Variants in EPHA7 observed in about 807,000 individuals in gnomAD.
The protein encoded by EPHA7 is ephrin type-A receptor 7.
A neutral mutation model predicts 112.6 loss-of-function variants in EPHA7; 25 were observed. The observed-to-expected ratio is 0.22, with a 90% confidence interval of 0.16 to 0.31. The LOEUF is 0.31. Among genes scored for constraint, EPHA7 ranks in the 10% least tolerant of loss-of-function variants. The probability of loss-of-function intolerance (pLI) is 1.00; values close to 1 mark genes in which losing one functional copy is unlikely to be tolerated. For missense variants in EPHA7, 962 were observed against 1,212.6 expected (o/e 0.79, Z 3.07); for synonymous variants, 437 against 406.5 (o/e 1.07, Z -0.90).
intron 3 of EPHA7, among the ~76,000 whole-genome samples, chr6:93,361,726 T>C (rs1229144242): frequency 1.3e-5 from 2 of 152,088 alleles, no homozygotes; most frequent in African/African-American, 4.8e-5. Context: ...TTATGTAGTA[T>C]ACAACAACAT....
rs985000896 is a variant in EPHA7, at chr6:93,335,953, T to C, written c.1324+20764A>G. 2.6e-5 allele frequency among the ~76,000 whole-genome samples: 4 copies of C among 152,062 alleles called. No individual in the cohort carries two copies. In the East Asian group the frequency reaches 5.8e-4, roughly 22 times the overall value. ...ATGTATCCAGTATATGAGAGACATA[T>C]AATGAATCTTTCTTGCTATAACCTA... On this transcript the variant is annotated intron_variant, in intron 5 of 16. Transcript: ENST00000369303.
chr6:93,405,750 T>C (rs1194706232), intron 3 of EPHA7, among the ~76,000 whole-genome samples: 2 of 147,324 alleles, frequency 1.4e-5, no homozygotes, highest in Non-Finnish European at 3.0e-5. Context: ...TCTGAGCTAC[T>C]AACCCACTGG....
At chr6:93,291,747 G>A (rs1452572957) in intron 5 of EPHA7, among the ~76,000 whole-genome samples, 1 of 118,082 alleles carries the variant, frequency 8.5e-6, no homozygotes, top group Non-Finnish European at 1.7e-5. Context: ...CAGCCTGGGC[G>A]ACAGAGCGAG....
chr6:93,379,126 T>C (rs1777209056), intron 3 of EPHA7, among the ~76,000 whole-genome samples: 1 of 152,076 alleles, frequency 6.6e-6, no homozygotes, highest in African/African-American at 2.4e-5. Context: ...AAAAATTATG[T>C]TACACATGGG....
chr6:93,291,528 G>C (rs1343218449), intron 5 of EPHA7, among the ~76,000 whole-genome samples: 1 of 151,766 alleles, frequency 6.6e-6, no homozygotes, highest in East Asian at 1.9e-4. Flanking sequence ...CAGCACTTTG[G>C]GAGGCCGAGG....
At chr6:93,272,212 C>T in intron 6 of EPHA7, 86 bp downstream of exon 6, 3 of 1,484,630 alleles carry the variant, frequency 2.0e-6, no homozygotes. Flanking sequence ...AAATTGTTGG[C>T]ATAATGACCA....
intron 5 of EPHA7, among the ~76,000 whole-genome samples, chr6:93,339,735 G>A (rs1224114663): frequency 6.6e-6 from 1 of 151,516 alleles, no homozygotes; most frequent in East Asian, 1.9e-4. Flanking sequence ...TATATTTATT[G>A]ACTATGTAAA....
intron 5 of EPHA7, among the ~76,000 whole-genome samples, chr6:93,311,595 C>T (rs1279524066): frequency 6.6e-6 from 1 of 152,072 alleles, no homozygotes; most frequent in Non-Finnish European, 1.5e-5. Context: ...AAGTCTTGAA[C>T]CCCTCACCAT....
chr6:93,275,389 CAAAT>C (rs1043168605), intron 5 of EPHA7, among the ~76,000 whole-genome samples: 4 of 151,670 alleles, frequency 2.6e-5, no homozygotes, highest in Admixed American at 2.0e-4. Context: ...GGTTTTCTAA[CAAAT>C]AATTAACAGA....
chr6:93,302,089 C>A (rs1399024064), intron 5 of EPHA7, among the ~76,000 whole-genome samples: 1 of 152,100 alleles, frequency 6.6e-6, no homozygotes, highest in Non-Finnish European at 1.5e-5. Context: ...GTGTGTAATT[C>A]TCCTTGCTCT....
chr6:93,357,098 A>C (rs1775986234), intron 4 of EPHA7, 46 bp from the exon 5 acceptor site: 1 of 1,425,738 alleles, frequency 7.0e-7, no homozygotes, highest in African/African-American at 1.4e-5. Context: ...AAATAGAAAA[A>C]AAAACATACA....
chr6:93,360,217 T>C (rs1189398529), intron 3 of EPHA7, among the ~76,000 whole-genome samples: 1 of 152,086 alleles, frequency 6.6e-6, no homozygotes, highest in Non-Finnish European at 1.5e-5. Flanking sequence ...TTAAAAAATA[T>C]GGTTAACAGA....
chr6:93,417,378 A>ACGCC (rs1562174167), intron 1 of EPHA7, among the ~76,000 whole-genome samples: 2 of 152,052 alleles, frequency 1.3e-5, no homozygotes. Flanking sequence ...CGCCGCCTAG[A>ACGCC]AGCCGGGCGC....
rs1769718318 is a variant in EPHA7 at position 93,242,197 on chromosome 6, G to A, written c.*1229C>T. The A allele has an allele frequency of 5.1e-6, 1 of 194,462 alleles. No homozygotes were observed. The highest frequency in any genetic ancestry group is 8.1e-5 in the East Asian group (1 of 12,396). The allele number at this position is 194,462 out of a possible 1,614,324, so 12.0% of individuals were successfully genotyped here. ...CAGATCCTTCACCTCTTCCTTCTAG[G>A]GTAAAGAGTCCTTTCATTTAACAAG... On this transcript the variant is annotated 3_prime_UTR_variant, in exon 17 of 17. Transcript: ENST00000369303.
At chr6:93,282,233 A>G (rs999832048) in intron 5 of EPHA7, among the ~76,000 whole-genome samples, 52 of 152,328 alleles carry the variant, frequency 3.4e-4, no homozygotes, top group African/African-American at 1.2e-3. Context: ...TTTAAGGCAG[A>G]TGTTACACAT....
rs1769975532 is a variant in EPHA7 at position 93,246,826 on chromosome 6, T to C, written c.2692A>G (p.Asn898Asp). Reference protein sequence around the residue: ...GILDKMIRNPNSLKTPLGTCS... With the variant: ...GILDKMIRNPDSLKTPLGTCS... Reference sequence around the variant, plus strand: ...GTTCCCAGGGGAGTTTTCAGACTATTTGGGTTTCGAATCATTTTGTCTAGA... The same window carrying C: ...GTTCCCAGGGGAGTTTTCAGACTATCTGGGTTTCGAATCATTTTGTCTAGA... The change falls in exon 15 of 17, where the codon AAT becomes GAT. Residue 898 changes from asparagine (N) to aspartate (D), a missense_variant. Transcript: ENST00000369303. The C allele has an allele frequency of 3.7e-6, 6 of 1,612,318 alleles. No homozygotes were observed. The highest frequency in any genetic ancestry group is 1.1e-5 in the South Asian group (1 of 91,034).
intron 3 of EPHA7, among the ~76,000 whole-genome samples, chr6:93,374,329 T>G (rs1776947091): frequency 6.6e-6 from 1 of 152,176 alleles, no homozygotes; most frequent in Non-Finnish European, 1.5e-5. Context: ...TGAATTTATA[T>G]ACATAGACAA....
At chr6:93,393,474 C>G (rs1462173871) in intron 3 of EPHA7, among the ~76,000 whole-genome samples, 1 of 151,680 alleles carries the variant, frequency 6.6e-6, no homozygotes, top group African/African-American at 2.4e-5. Context: ...ACTAAGAGGT[C>G]CAGTGAGATG....
chr6:93,405,232 T>C (rs1197932576), intron 3 of EPHA7, among the ~76,000 whole-genome samples: 1 of 151,852 alleles, frequency 6.6e-6, no homozygotes, highest in Non-Finnish European at 1.5e-5. Context: ...AAATTATTAA[T>C]AGAAATTCAA....
Sources: gnomAD v4.1 joint callset for allele counts (sites outside exome capture counted in the v4.1 genomes callset) on GRCh38, gnomAD v4.1.1 for gene constraint, MANE v1.5 for transcripts, NCBI Gene and HGNC (gene_info 2026-07-23, HGNC 2026-07-21) for gene names.